DHTKD1: variants seen among roughly 807,000 people sequenced by gnomAD.
DHTKD1 encodes 2-oxoadipate dehydrogenase complex component E1.
Under a neutral mutation model 101.8 loss-of-function variants are expected in DHTKD1, and 78 were observed. That is an observed-to-expected ratio of 0.77 (90% CI 0.64 to 0.93). DHTKD1 has a LOEUF of 0.93. Ranked by LOEUF, DHTKD1 falls within the 40% of genes least tolerant of loss-of-function variation. The probability of loss-of-function intolerance (pLI) is 0.00; values close to 1 mark genes in which losing one functional copy is unlikely to be tolerated. For synonymous variants in DHTKD1, 462 were observed against 450.3 expected (o/e 1.03, Z -0.33); for missense variants, 1,223 against 1,161.7 (o/e 1.05, Z -0.77).
chr10:12,112,380 G>A (rs1381723964), intron 12 of DHTKD1, among the ~76,000 whole-genome samples: 2 of 152,202 alleles, frequency 1.3e-5, no homozygotes, highest in African/African-American at 2.4e-5. Flanking sequence ...CTTTGGGGAA[G>A]GGTTAGGAGT....
chr10:12,081,072 G>A lies in DHTKD1; in HGVS notation c.155-400G>A, dbSNP rs372033428. On this transcript the variant is annotated intron_variant, in intron 1 of 16. Coordinates refer to ENST00000263035, the MANE Select transcript of DHTKD1 (RefSeq NM_018706.7). The stretch of plus-strand genomic sequence containing the variant: ...TCCCAGCACTTTGGGAGGCCGAGGC[G>A]GGCAGATCATGAGGTCAGGAGATTG... Among the ~76,000 whole-genome samples the A allele has an allele frequency of 2.6e-4, 40 of 151,694 alleles. No homozygotes were observed. The East Asian group carries it at 3.1e-3, about 12-fold the overall frequency.
At chr10:12,106,513 G>A (rs776330835) in intron 11 of DHTKD1, 117 bp downstream of exon 11, 46 of 1,309,288 alleles carry the variant, frequency 3.5e-5, no homozygotes, top group South Asian at 7.6e-5. Flanking sequence ...GTGCGGCGGC[G>A]CCTCCAGGGA....
chr10:12,088,859 A>G (rs1832943465), intron 4 of DHTKD1, 127 bp from the exon 5 acceptor site: 3 of 843,076 alleles, frequency 3.6e-6, no homozygotes, highest in Middle Eastern at 5.0e-4. Context: ...TGCTGGAATT[A>G]CAGGCATAAG....
chr10:12,119,710 C>T (rs1264354274), intron 15 of DHTKD1, among the ~76,000 whole-genome samples: 1 of 151,762 alleles, frequency 6.6e-6, no homozygotes, highest in Non-Finnish European at 1.5e-5. Flanking sequence ...GGCAGAACAG[C>T]TAATGGATGC....
rs1833307104 is a variant in DHTKD1, at chr10:12,110,161, G to A, written c.2154+2146G>A. On this transcript the variant is annotated intron_variant, in intron 12 of 16. Coordinates refer to ENST00000263035, the MANE Select transcript of DHTKD1 (RefSeq NM_018706.7). The surrounding 1 kb of genome is among the most constrained non-coding windows in gnomAD (Gnocchi z 4.9). ...AAAATACAAAAAATTAGCCGGGCAC[G>A]GTGGCAGGCACCTGTAGTCCCAGCT... 1.3e-5 allele frequency among the ~76,000 whole-genome samples: 2 copies of A among 152,152 alleles called. No homozygotes were observed. Among genetic ancestry groups the A allele is most frequent in the Non-Finnish European group, 2.9e-5 (2 of 68,038 alleles).
At chr10:12,072,461 C>CA (rs1191161277) in intron 1 of DHTKD1, among the ~76,000 whole-genome samples, 1 of 148,402 alleles carries the variant, frequency 6.7e-6, no homozygotes, top group African/African-American at 2.5e-5. Context: ...GACTCTGTCT[C>CA]AATAAATAAA....
chr10:12,113,164 A>C, intron 13 of DHTKD1, 100 bp downstream of exon 13: 1 of 1,100,768 alleles, frequency 9.1e-7, no homozygotes, highest in Non-Finnish European at 1.3e-6. Flanking sequence ...TTACAGAAAC[A>C]CCTTTTTAGT....
At chr10:12,093,775 G>T (rs1260337808) in intron 6 of DHTKD1, among the ~76,000 whole-genome samples, 1 of 152,194 alleles carries the variant, frequency 6.6e-6, no homozygotes, top group African/African-American at 2.4e-5. Context: ...ACCAGGCACT[G>T]TTAGGCATTA....
chr10:12,071,653 C>A (rs1056599441), intron 1 of DHTKD1, among the ~76,000 whole-genome samples: 1 of 151,862 alleles, frequency 6.6e-6, no homozygotes, highest in East Asian at 1.9e-4. Flanking sequence ...TGGGGCCAGG[C>A]ACAGTGACTC....
chr10:12,075,929 G>A (rs1588600908), intron 1 of DHTKD1, among the ~76,000 whole-genome samples: 2 of 146,974 alleles, frequency 1.4e-5, no homozygotes, highest in African/African-American at 5.0e-5. Flanking sequence ...TTTTGACAGA[G>A]CGAGACTCTG....
intron 2 of DHTKD1, 89 bp downstream of exon 2, chr10:12,081,716 G>A (rs1180741936): frequency 3.4e-6 from 5 of 1,485,188 alleles, no homozygotes; most frequent in Non-Finnish European, 4.6e-6. Context: ...CATCCCCACT[G>A]GAGCTGAGGC....
At chr10:12,100,924 A>G (rs1833158864) in intron 9 of DHTKD1, 118 bp from the exon 10 acceptor site, 8 of 995,502 alleles carry the variant, frequency 8.0e-6, no homozygotes, top group South Asian at 1.6e-5. Context: ...ATTAATAACT[A>G]TCTGTTATCC....
chr10:12,095,924 G>A (rs986304793), intron 7 of DHTKD1, among the ~76,000 whole-genome samples: 8 of 151,954 alleles, frequency 5.3e-5, no homozygotes, highest in African/African-American at 1.4e-4. Flanking sequence ...CAACAGAATC[G>A]CTTGAACTGG....
intron 13 of DHTKD1, among the ~76,000 whole-genome samples, chr10:12,114,378 C>A (rs987831320): frequency 1.3e-5 from 2 of 151,600 alleles, no homozygotes; most frequent in Non-Finnish European, 2.9e-5. Flanking sequence ...CTCACTGCAA[C>A]CTCCAACTCC....
chr10:12,089,038 C>G lies in DHTKD1; in HGVS notation c.770C>G (p.Ala257Gly), dbSNP rs996671991. ...GLSEFPENFS[A>G]TGDVLSHLTS... ...AGTGAATTTCCAGAGAATTTCTCAG[C>G]CACTGGAGACGTCCTGTCTCACCTG... is the stretch of plus-strand genomic sequence containing the variant. Residue 257 changes from alanine (A) to glycine (G), a missense_variant, in exon 5 of 17, where the codon GCC becomes GGC. Ala to Gly is a moderately conservative substitution (Grantham distance 60, BLOSUM62 0). Transcript: ENST00000263035. 6.2e-7 allele frequency: 1 copy of G among 1,613,884 alleles called. No homozygotes were observed. The highest frequency in any genetic ancestry group is 1.3e-5 in the African/African-American group (1 of 75,044).
rs537084390 is a variant in DHTKD1 at position 12,100,043 on chromosome 10, G to A, written c.1672-135G>A. The stretch of plus-strand genomic sequence containing the variant: ...ACTCCTTACCTCAAGTGATCCACCC[G>A]CCTGGGCCTCCCAAAGTGCTGGGAT... On this transcript the variant is annotated intron_variant, in intron 8 of 16. Coordinates refer to ENST00000263035, the MANE Select transcript of DHTKD1 (RefSeq NM_018706.7). The A allele has an allele frequency of 1.4e-4, 72 of 510,748 alleles. 1 individual carries two copies. In the South Asian group the frequency reaches 1.7e-3, roughly 12 times the overall value. The allele number at this position is 510,748 out of a possible 1,614,324, so 31.6% of individuals were successfully genotyped here. A position where few individuals can be genotyped will look rare whatever the true frequency, so the allele number is the denominator to read the frequency against.
intron 6 of DHTKD1, 129 bp from the exon 7 acceptor site, chr10:12,093,944 G>T: frequency 1.3e-6 from 1 of 777,112 alleles, no homozygotes; most frequent in Non-Finnish European, 2.2e-6. Context: ...CCAAAGCTGG[G>T]GTTGTTAACC....
intron 8 of DHTKD1, among the ~76,000 whole-genome samples, chr10:12,099,015 A>T (rs1299071784): frequency 3.3e-5 from 5 of 152,088 alleles, no homozygotes; most frequent in African/African-American, 9.7e-5. Flanking sequence ...AGTAAAGATT[A>T]AAAAATTTGC....
intron 1 of DHTKD1, among the ~76,000 whole-genome samples, chr10:12,077,656 AAG>A (rs1245391129): frequency 1.3e-5 from 2 of 152,164 alleles, no homozygotes; most frequent in African/African-American, 4.8e-5. Flanking sequence ...TGGGTTTATA[AAG>A]AGAGAACTAA....
Sources: gnomAD v4.1 joint callset for allele counts (sites outside exome capture counted in the v4.1 genomes callset) on GRCh38, gnomAD v4.1.1 for gene constraint, Gnocchi (gnomAD v3.1) non-coding constraint, MANE v1.5 for transcripts, NCBI Gene and HGNC (gene_info 2026-07-23, HGNC 2026-07-21) for gene names.